The following RGS3 variants were observed in gnomAD, a reference collection of about 807,000 sequenced individuals.
The protein encoded by RGS3 is regulator of G protein signaling 3, also known as regulator of G-protein signalling 3.
A neutral mutation model predicts 132.6 loss-of-function variants in RGS3; 80 were observed. The observed-to-expected ratio is 0.60, with a 90% CI of 0.50 to 0.73. The LOEUF is 0.73. RGS3 is among the 30% of genes least tolerant of loss of function. RGS3 has a pLI of 0.00. For missense variants in RGS3, 1,382 were observed against 1,530.8 expected, an observed-to-expected ratio of 0.90 and a Z score of 1.62; for synonymous variants, 598 against 620.6, an observed-to-expected ratio of 0.96 and a Z score of 0.54.
At chr9:113,571,036 A>C (rs1251008159) in intron 19 of RGS3, among the ~76,000 whole-genome samples, 2 of 152,254 alleles carry the variant, frequency 1.3e-5, no homozygotes, top group Non-Finnish European at 2.9e-5. Flanking sequence ...TCTTTTGATC[A>C]GCATTTTGAT....
At position 113,583,688 on chromosome 9, in the gene RGS3, C is replaced by T. The variant is rs140906223; in HGVS notation, c.2276C>T (p.Pro759Leu). ...GGATCCCCTCCAGGCCCAGATGCTC[C>T]GCCCAGCAAGGATGTGCCACCATGC... is the stretch of plus-strand genomic sequence containing the variant. Residue 759 changes from proline to leucine, a missense_variant, in exon 20 of 25, where the codon CCG becomes CTG. Coordinates refer to ENST00000350696, the Ensembl canonical transcript of RGS3. The T allele has an allele frequency of 0.01, 16,405 of 1,614,128 alleles. 101 individuals carry two copies. Among genetic ancestry groups the T allele is most frequent in the Non-Finnish European group, 0.012 (14,426 of 1,179,992 alleles).
At chr9:113,551,576 G>A (rs775830917) in intron 19 of RGS3, among the ~76,000 whole-genome samples, 7 of 152,176 alleles carry the variant, frequency 4.6e-5, no homozygotes, top group Admixed American at 3.9e-4. Flanking sequence ...ACTGCTGGGC[G>A]TGGTGGCTCA....
intron 1 of RGS3, among the ~76,000 whole-genome samples, chr9:113,453,915 C>T (rs1056961089): frequency 3.3e-5 from 5 of 151,916 alleles, no homozygotes; most frequent in South Asian, 2.1e-4. Flanking sequence ...ACTGCAACCT[C>T]GAACTCCTGA....
intron 19 of RGS3, among the ~76,000 whole-genome samples, chr9:113,576,588 C>G (rs1249990300): frequency 6.6e-6 from 1 of 152,126 alleles, no homozygotes; most frequent in Non-Finnish European, 1.5e-5. Flanking sequence ...TCTTGGCCTC[C>G]CAAAGTGCTG....
At chr9:113,448,456 T>G (rs1038831260) in intron 1 of RGS3, among the ~76,000 whole-genome samples, 6 of 152,220 alleles carry the variant, frequency 3.9e-5, no homozygotes, top group Non-Finnish European at 8.8e-5. Context: ...CTTCGACTTC[T>G]TCTTCCCCCT....
intron 19 of RGS3, among the ~76,000 whole-genome samples, chr9:113,545,519 C>G (rs755357454): frequency 6.6e-6 from 1 of 152,210 alleles, no homozygotes; most frequent in South Asian, 2.1e-4. Flanking sequence ...AGTGGACAGA[C>G]TGCCTTCTTC....
intron 1 of RGS3, among the ~76,000 whole-genome samples, chr9:113,445,356 G>C (rs1829078972): frequency 6.6e-6 from 1 of 151,810 alleles, no homozygotes; most frequent in Non-Finnish European, 1.5e-5. Context: ...CCACCACCAT[G>C]CCTGGCTAAT....
rs565492325 is a variant in RGS3 at position 113,506,395 on chromosome 9, G to A, written c.987G>A (p.Pro329=). 51 of 1,585,578 alleles carry A rather than the reference G, an allele frequency of 3.2e-5. No individual in the cohort carries two copies. The Middle Eastern group carries it at 5.0e-4, about 16-fold the overall frequency. The change falls in exon 12 of 25, where the codon CCG becomes CCA. Residue 329 remains proline, a synonymous_variant. Coordinates refer to ENST00000350696, the Ensembl canonical transcript of RGS3. The surrounding 1 kb of genome is among the most constrained non-coding windows in gnomAD (Gnocchi z 4.7). ...TTTTCTTTGTCCCTGCAGGGGGTCC[G>A]GCGGAACGGGCAGGGCTGCAGCAGC... is the stretch of plus-strand genomic sequence containing the variant.
chr9:113,546,979 C>T (rs1199161050), intron 19 of RGS3, among the ~76,000 whole-genome samples: 1 of 152,178 alleles, frequency 6.6e-6, no homozygotes, highest in African/African-American at 2.4e-5. Context: ...GAGTTGAATT[C>T]AGATGGTCTC....
At chr9:113,480,458 C>CAAAA (rs755925249) in intron 4 of RGS3, among the ~76,000 whole-genome samples, 75 of 65,746 alleles carry the variant, frequency 1.1e-3, no homozygotes, top group Non-Finnish European at 1.4e-3. Context: ...GACTCCGTCT[C>CAAAA]AAAAAAAAAA....
At chr9:113,594,148 CAG>C in intron 21 of RGS3, 3 of 1,613,178 alleles carry the variant, frequency 1.9e-6, no homozygotes, top group Non-Finnish European at 1.7e-6. Flanking sequence ...GCCAGGATTC[CAG>C]AGAGCGTGTG....
At position 113,488,934 on chromosome 9, in the gene RGS3, C is replaced by G. The variant is rs368944383; in HGVS notation, c.689+3241C>G. 1.1e-4 allele frequency among the ~76,000 whole-genome samples: 17 copies of G among 152,340 alleles called. No homozygotes were observed. In the East Asian group the frequency reaches 3.3e-3, roughly 29 times the overall value. On this transcript the variant is annotated intron_variant, in intron 7 of 24. Transcript: ENST00000350696. ...GGAAACTTCGGCTCTGCTGAATGCT[C>G]TCAAATCAAATTGTGCCTCTCTGAA...
rs765601810 is a variant in RGS3 at position 113,463,922 on chromosome 9, C to G, written c.415+1721C>G. On this transcript the variant is annotated intron_variant, in intron 3 of 24. Transcript: ENST00000350696. The surrounding 1 kb of genome is among the most constrained non-coding windows in gnomAD (Gnocchi z 4.6). ...GGCTGGCGGCAGGGGCTGCTTCACC[C>G]TGCTCCCAGCGCCCAGAAACGCAGC... 6 of 1,604,284 alleles carry G rather than the reference C, an allele frequency of 3.7e-6. No individual in the cohort carries two copies. Among genetic ancestry groups the G allele is most frequent in the Non-Finnish European group, 5.1e-6 (6 of 1,174,176 alleles).
intron 19 of RGS3, chr9:113,541,263 C>T: frequency 6.4e-7 from 1 of 1,574,228 alleles, no homozygotes; most frequent in Non-Finnish European, 8.6e-7. Context: ...GTCCTGCAGT[C>T]AGGCAGCCCG....
chr9:113,484,188 C>G (rs1003793699), exon 6 of RGS3: 23 of 1,613,032 alleles, frequency 1.4e-5, no homozygotes, highest in Non-Finnish European at 2.0e-5. Context: ...AGACGCAGAC[C>G]GTTCCAGACT....
At chr9:113,477,854 G>T (rs759949130) in intron 3 of RGS3, among the ~76,000 whole-genome samples, 12 of 152,244 alleles carry the variant, frequency 7.9e-5, no homozygotes, top group Non-Finnish European at 1.5e-4. Flanking sequence ...CACAGATGGA[G>T]CCATGCCTGG....
intron 10 of RGS3, among the ~76,000 whole-genome samples, chr9:113,502,799 C>CA (rs1423303256): frequency 1.3e-5 from 2 of 152,330 alleles, no homozygotes; most frequent in East Asian, 3.9e-4. Flanking sequence ...TTGAGAGCAG[C>CA]AAGCTTTTTG....
At chr9:113,485,192 A>G (rs891566360) in intron 6 of RGS3, among the ~76,000 whole-genome samples, 1 of 151,870 alleles carries the variant, frequency 6.6e-6, no homozygotes, top group Admixed American at 6.6e-5. Context: ...GGTTCACGCC[A>G]TTCTCCTGCC....
At chr9:113,588,863 A>C (rs916057313) in intron 20 of RGS3, among the ~76,000 whole-genome samples, 1 of 152,260 alleles carries the variant, frequency 6.6e-6, no homozygotes, top group African/African-American at 2.4e-5. Flanking sequence ...ACAGAGAGGG[A>C]TGTAACTGAG....
Sources: gnomAD v4.1 joint callset for allele counts (sites outside exome capture counted in the v4.1 genomes callset) on GRCh38, gnomAD v4.1.1 for gene constraint, Gnocchi (gnomAD v3.1) non-coding constraint, MANE v1.5 for transcripts, NCBI Gene and HGNC (gene_info 2026-07-23, HGNC 2026-07-21) for gene names.